The following ARHGAP32 variants were observed in gnomAD, a reference collection of about 807,000 sequenced individuals.
ARHGAP32 encodes rho GTPase-activating protein 32.
ARHGAP32 carries 51 observed loss-of-function variants against 186.5 expected under a neutral mutation model. That is an observed-to-expected ratio of 0.27 (90% CI 0.22 to 0.35). The LOEUF (loss-of-function observed/expected upper bound fraction) is 0.35, where lower values mean the gene tolerates loss of function less well. Ranked by LOEUF, ARHGAP32 falls within the 10% of genes least tolerant of loss-of-function variation. The pLI, the probability that ARHGAP32 is intolerant of heterozygous loss-of-function variation, is 1.00. For synonymous variants in ARHGAP32, 950 were observed against 964.3 expected, an observed-to-expected ratio of 0.99 and a Z score of 0.27; for missense variants, 2,186 against 2,623.5, an observed-to-expected ratio of 0.83 and a Z score of 3.64.
rs138051393 is a variant in ARHGAP32, at chr11:128,970,480, G to C, written c.4733C>G (p.Ser1578Cys). 1.9e-6 allele frequency: 3 copies of C among 1,614,046 alleles called. No homozygotes were observed. The highest frequency in any genetic ancestry group is 2.7e-5 in the African/African-American group (2 of 74,912). ...TTCGGGGTAACAGGTATTCCTGACA[G>C]AGGAGCTCAAAGAAGACACATACTC... is the stretch of plus-strand genomic sequence containing the variant. ...RVEYVSSLSS[S>C]VRNTCYPEDI... Residue 1578 changes from serine (S) to cysteine (C), a missense_variant, in exon 23 of 23, where the codon TCT becomes TGT. By Grantham distance (112) the Ser-to-Cys change is moderately radical. Around this residue, in one of 5 missense-constraint regions of ARHGAP32, gnomAD observed 1,502 missense variants for 1,570.0 expected, o/e 0.96. Transcript: ENST00000682385. This position sits in a 1 kb window ranked among gnomAD's most constrained non-coding sequence, Gnocchi z 5.8.
intron 1 of ARHGAP32, among the ~76,000 whole-genome samples, chr11:129,223,894 A>G (rs1337638607): frequency 1.3e-5 from 2 of 152,202 alleles, no homozygotes; most frequent in East Asian, 3.8e-4. Context: ...CAGATAAGAT[A>G]CTTAAATCAC....
intron 2 of ARHGAP32, among the ~76,000 whole-genome samples, chr11:129,159,929 A>G (rs1181796201): frequency 1.3e-5 from 2 of 152,210 alleles, no homozygotes; most frequent in Non-Finnish European, 2.9e-5. Flanking sequence ...ATGAAAATCA[A>G]TAAGCATAAT....
chr11:128,996,143 C>G (rs927580834), intron 12 of ARHGAP32, among the ~76,000 whole-genome samples: 4 of 152,006 alleles, frequency 2.6e-5, no homozygotes, highest in African/African-American at 7.2e-5. Flanking sequence ...TTAATATTTA[C>G]CAAAGTAAAA....
At chr11:129,127,443 C>T (rs1184933135) in intron 2 of ARHGAP32, among the ~76,000 whole-genome samples, 1 of 152,084 alleles carries the variant, frequency 6.6e-6, no homozygotes, top group Non-Finnish European at 1.5e-5. Context: ...GCAATATTTT[C>T]CTAGAGCACA....
chr11:129,005,458 G>A (rs1937712706), intron 11 of ARHGAP32, among the ~76,000 whole-genome samples: 1 of 152,120 alleles, frequency 6.6e-6, no homozygotes, highest in Admixed American at 6.5e-5. Context: ...AAATTCCTCA[G>A]CTTTCATTTG....
At chr11:129,025,816 AAT>A (rs71889629) in intron 11 of ARHGAP32, among the ~76,000 whole-genome samples, 32,963 of 148,644 alleles carry the variant, frequency 0.22, 3,797 homozygotes, top group African/African-American at 0.27. Flanking sequence ...TATGTTATGT[AAT>A]ATATATGTTA....
At chr11:129,012,395 G>T (rs1938124921) in intron 11 of ARHGAP32, among the ~76,000 whole-genome samples, 1 of 152,166 alleles carries the variant, frequency 6.6e-6, no homozygotes, top group Non-Finnish European at 1.5e-5. Flanking sequence ...CTTTCCTGAA[G>T]CTCTATCCAC....
At chr11:129,126,047 C>A (rs1402862138) in intron 2 of ARHGAP32, 1 of 437,270 alleles carries the variant, frequency 2.3e-6, no homozygotes, top group African/African-American at 2.0e-5. Context: ...CTTCATAATC[C>A]TAGGTATTAT....
At chr11:129,223,565 A>G (rs1944740530) in intron 1 of ARHGAP32, among the ~76,000 whole-genome samples, 1 of 152,172 alleles carries the variant, frequency 6.6e-6, no homozygotes, top group African/African-American at 2.4e-5. Flanking sequence ...AGTTTAGGAG[A>G]AAAATGTGGA....
chr11:128,989,516 T>TCACACACACACACACACACACACACACA (rs56090706), intron 12 of ARHGAP32, among the ~76,000 whole-genome samples: 1 of 138,926 alleles, frequency 7.2e-6, no homozygotes, highest in Non-Finnish European at 1.5e-5. Context: ...GTTTTTTATT[T>TCACACACACACACACACACACACACACA]CACACACACA....
chr11:128,976,519 T>C (rs1465428329), intron 20 of ARHGAP32, 44 bp downstream of exon 20: 2 of 1,482,888 alleles, frequency 1.3e-6, no homozygotes, highest in Non-Finnish European at 1.9e-6. Flanking sequence ...TATTCCTTTA[T>C]GCAATATATT....
intron 1 of ARHGAP32, among the ~76,000 whole-genome samples, chr11:129,172,033 T>C (rs1943774913): frequency 6.6e-6 from 1 of 152,146 alleles, no homozygotes; most frequent in Non-Finnish European, 1.5e-5. Context: ...ATCCTGAGAC[T>C]GCTGAAGCTG....
intron 1 of ARHGAP32, among the ~76,000 whole-genome samples, chr11:129,191,838 C>A (rs1342330016): frequency 6.6e-6 from 1 of 152,064 alleles, no homozygotes; most frequent in Non-Finnish European, 1.5e-5. Context: ...TACTACAAAA[C>A]CTGTCTAACA....
At chr11:129,223,056 A>G (rs1042438669) in intron 1 of ARHGAP32, among the ~76,000 whole-genome samples, 1 of 152,202 alleles carries the variant, frequency 6.6e-6, no homozygotes, top group African/African-American at 2.4e-5. Context: ...GTCTAACTCA[A>G]TACATCCAAA....
In ARHGAP32 at chr11:129,123,386, C is replaced by T; in HGVS notation, c.444+60G>A. 1 of 1,394,680 alleles carries T rather than the reference C, an allele frequency of 7.2e-7. No homozygotes were observed. Among genetic ancestry groups the T allele is most frequent in the South Asian group, 1.2e-5 (1 of 81,960 alleles). The allele number at this position is 1,394,680 out of a possible 1,614,324, so 86.4% of individuals were successfully genotyped here. A position where few individuals can be genotyped will look rare whatever the true frequency, so the allele number is the denominator to read the frequency against. On this transcript the variant is annotated intron_variant, in intron 5 of 22. Transcript: ENST00000682385. This position sits in a 1 kb window ranked among gnomAD's most constrained non-coding sequence, Gnocchi z 4.6. ...TAGATACAGATATATAGATAAGCAT[C>T]TAGATATAAAGGTAAATGTGTAAAT...
intron 1 of ARHGAP32, among the ~76,000 whole-genome samples, chr11:129,216,276 A>G (rs902681539): frequency 2.0e-5 from 3 of 152,210 alleles, no homozygotes; most frequent in Admixed American, 6.5e-5. Flanking sequence ...TATTCAGACT[A>G]CCAGTCTTTA....
chr11:129,143,905 G>C (rs1183786461), intron 2 of ARHGAP32, among the ~76,000 whole-genome samples: 1 of 152,082 alleles, frequency 6.6e-6, no homozygotes, highest in East Asian at 1.9e-4. Flanking sequence ...AAAAACCACA[G>C]TATATATAGT....
intron 19 of ARHGAP32, among the ~76,000 whole-genome samples, chr11:128,978,339 G>C (rs903247290): frequency 9.9e-5 from 15 of 152,012 alleles, no homozygotes; most frequent in East Asian, 1.9e-4. Context: ...GATCTAATAA[G>C]ATACTCTATT....
rs1340277339 is a variant in ARHGAP32 at position 128,966,103 on chromosome 11, G to C, written c.*2804C>G. The C allele has an allele frequency of 1.3e-5, 2 of 152,154 alleles. No homozygotes were observed. Among genetic ancestry groups the C allele is most frequent in the Admixed American group, 1.3e-4 (2 of 15,280 alleles). 9.4% of individuals were successfully genotyped at this position (152,154 alleles called of 1,614,324 possible). A position where few individuals can be genotyped will look rare whatever the true frequency, so the allele number is the denominator to read the frequency against. The stretch of plus-strand genomic sequence containing the variant: ...TCTGGGATTGTTAGCAAAATTTTTA[G>C]CCAGACGTCCAGGGAATATTTATTT... On this transcript the variant is annotated 3_prime_UTR_variant, in exon 23 of 23. Transcript: ENST00000682385.
Sources: allele counts gnomAD v4.1 joint callset (sites outside exome capture counted in the v4.1 genomes callset), GRCh38; gene constraint gnomAD v4.1.1; regional missense constraint gnomAD v4.1.1; non-coding constraint Gnocchi (gnomAD v3.1); transcripts MANE v1.5; gene names NCBI Gene and HGNC (gene_info 2026-07-23, HGNC 2026-07-21).